The following TTC7B variants were observed in gnomAD, a reference collection of about 807,000 sequenced individuals.
TTC7B encodes tetratricopeptide repeat domain 7B.
Under a neutral mutation model 106.8 loss-of-function variants are expected in TTC7B, and 28 were observed. That is an observed-to-expected ratio of 0.26 (90% CI 0.19 to 0.36). TTC7B has a LOEUF of 0.36. TTC7B is among the 10% of genes least tolerant of loss of function. The probability of loss-of-function intolerance (pLI) is 1.00; values close to 1 mark genes in which losing one functional copy is unlikely to be tolerated. For missense variants in TTC7B, 862 were observed against 1,076.4 expected, an observed-to-expected ratio of 0.80 and a Z score of 2.79; for synonymous variants, 405 against 430.6, an observed-to-expected ratio of 0.94 and a Z score of 0.74.
chr14:90,764,412 T>C (rs1389822164), intron 3 of TTC7B, among the ~76,000 whole-genome samples: 2 of 151,912 alleles, frequency 1.3e-5, no homozygotes, highest in Non-Finnish European at 2.9e-5. Flanking sequence ...AATGGTTTCT[T>C]AGATACAAAA....
intron 19 of TTC7B, among the ~76,000 whole-genome samples, chr14:90,564,781 C>T (rs573328834): frequency 1.3e-5 from 2 of 152,242 alleles, no homozygotes; most frequent in East Asian, 1.9e-4. Context: ...TGTGGTGATA[C>T]GTGCCTATAG....
chr14:90,725,176 TA>T (rs1889045734), intron 5 of TTC7B, among the ~76,000 whole-genome samples: 1 of 152,226 alleles, frequency 6.6e-6, no homozygotes, highest in Non-Finnish European at 1.5e-5. Context: ...GAACACTTGC[TA>T]CCACTGCAAG....
chr14:90,665,572 C>A (rs1886378945), intron 9 of TTC7B, among the ~76,000 whole-genome samples: 1 of 152,226 alleles, frequency 6.6e-6, no homozygotes, highest in Non-Finnish European at 1.5e-5. Context: ...ACAGCAAAGC[C>A]AAAGTCTATT....
chr14:90,614,818 CCAT>C (rs1893005581), intron 16 of TTC7B, among the ~76,000 whole-genome samples: 1 of 152,226 alleles, frequency 6.6e-6, no homozygotes, highest in Non-Finnish European at 1.5e-5. Flanking sequence ...GTGGTTATTA[CCAT>C]CCCTGGCTGA....
intron 18 of TTC7B, among the ~76,000 whole-genome samples, chr14:90,579,721 C>T (rs972692203): frequency 6.6e-6 from 1 of 152,208 alleles, no homozygotes; most frequent in Non-Finnish European, 1.5e-5. Flanking sequence ...ATCACTTGAA[C>T]CTGGGAGGTG....
chr14:90,659,213 T>TGTGTGTGTGTG (rs1566822930), intron 9 of TTC7B, among the ~76,000 whole-genome samples: 2,496 of 146,570 alleles, frequency 0.017, 58 homozygotes, highest in African/African-American at 0.06. Flanking sequence ...ACGAGTGTGA[T>TGTGTGTGTGTG]TGTGTGTGTG....
At chr14:90,774,716 C>T (rs1005640411) in intron 3 of TTC7B, among the ~76,000 whole-genome samples, 1 of 152,222 alleles carries the variant, frequency 6.6e-6, no homozygotes, top group Non-Finnish European at 1.5e-5. Context: ...CACTCCAGGC[C>T]TCTGATCTTC....
At chr14:90,648,527 T>A (rs1009916198) in intron 13 of TTC7B, 5 of 152,100 alleles carry the variant, frequency 3.3e-5, no homozygotes. Context: ...ATTTATAGAA[T>A]TTTTTGTAGA....
intron 18 of TTC7B, among the ~76,000 whole-genome samples, chr14:90,590,359 G>A (rs986257892): frequency 3.3e-5 from 5 of 152,062 alleles, no homozygotes; most frequent in African/African-American, 9.7e-5. Context: ...GGTCATCTCC[G>A]AGTGACCTTT....
rs556197278 is a variant in TTC7B, at chr14:90,690,944, TAAATGTCTATAA to T, written c.778-1244_778-1233del. On this transcript the variant is annotated intron_variant, in intron 6 of 19. Transcript: ENST00000328459. ...ATTCCCAAGTAAGACCCATTGGCAT[TAAATGTCTATAA>T]AAATGTGAAATTAAATGCACTCTGA... 8.5e-4 allele frequency among the ~76,000 whole-genome samples: 130 copies of T among 152,308 alleles called. 2 individuals carry two copies. The East Asian group carries it at 0.011, about 13-fold the overall frequency.
In TTC7B at chr14:90,562,487, T is replaced by G. The variant is rs2139785749; in HGVS notation, c.2310+15619A>C. 2.0e-5 allele frequency among the ~76,000 whole-genome samples: 3 copies of G among 152,328 alleles called. No individual in the cohort carries two copies. In the South Asian group the frequency reaches 6.2e-4, roughly 32 times the overall value. Reference sequence around the variant, plus strand: ...TCTCTAAAATGCAGACCTAATCACATTCACTCACTTGTTTAAACTGTATCT... The same window carrying G: ...TCTCTAAAATGCAGACCTAATCACAGTCACTCACTTGTTTAAACTGTATCT... On this transcript the variant is annotated intron_variant, in intron 19 of 19. Coordinates refer to ENST00000328459, the MANE Select transcript of TTC7B (RefSeq NM_001010854.2).
rs1034977474 is a variant in TTC7B, at chr14:90,526,043, G to T, written c.*15325C>A. 22 of 152,016 alleles carry T rather than the reference G, an allele frequency of 1.4e-4. No homozygotes were observed. The highest frequency in any genetic ancestry group is 4.6e-4 in the African/African-American group (19 of 41,470). 9.4% of individuals were successfully genotyped at this position (152,016 alleles called of 1,614,324 possible). On this transcript the variant is annotated 3_prime_UTR_variant, in exon 20 of 20. Transcript: ENST00000328459. Reference sequence around the variant, plus strand: ...GTACATATATTTCCTTTTCTCTGGGGTACATACTAAGAGAGGAATTCCTGG... The same window carrying T: ...GTACATATATTTCCTTTTCTCTGGGTTACATACTAAGAGAGGAATTCCTGG...
chr14:90,780,425 AAGAAAGAG>A (rs1230077292), intron 3 of TTC7B, among the ~76,000 whole-genome samples: 2 of 148,598 alleles, frequency 1.3e-5, no homozygotes, highest in Non-Finnish European at 3.0e-5. Context: ...GAAAGAAAGA[AAGAAAGAG>A]AGAGAGAGAG....
intron 5 of TTC7B, among the ~76,000 whole-genome samples, chr14:90,703,593 A>G (rs1196501140): frequency 2.0e-5 from 3 of 152,240 alleles, no homozygotes; most frequent in Admixed American, 6.5e-5. Flanking sequence ...AAAGGGAAAA[A>G]AAAAGACCAT....
intron 3 of TTC7B, among the ~76,000 whole-genome samples, chr14:90,764,661 A>G (rs1246936902): frequency 6.6e-6 from 1 of 152,208 alleles, no homozygotes; most frequent in Admixed American, 6.5e-5. Flanking sequence ...ATCTGAATAG[A>G]TATTTCTCCA....
chr14:90,728,964 G>C (rs1179526600), intron 5 of TTC7B, among the ~76,000 whole-genome samples: 1 of 152,204 alleles, frequency 6.6e-6, no homozygotes, highest in African/African-American at 2.4e-5. Context: ...TTAGCTTAGG[G>C]GACGTGCACC....
At chr14:90,553,784 G>A (rs937970510) in intron 19 of TTC7B, among the ~76,000 whole-genome samples, 2 of 152,324 alleles carry the variant, frequency 1.3e-5, no homozygotes, top group East Asian at 1.9e-4. Context: ...GCTTAACATA[G>A]CTCCTCGAAG....
At chr14:90,644,245 A>ATG (rs1183026366) in intron 14 of TTC7B, 37 bp from the exon 15 acceptor site, 2 of 1,383,218 alleles carry the variant, frequency 1.4e-6, no homozygotes, top group South Asian at 1.4e-5. Flanking sequence ...TTTTACATAC[A>ATG]CACATGCACA....
chr14:90,706,948 C>T (rs943642866), intron 5 of TTC7B, among the ~76,000 whole-genome samples: 1 of 152,190 alleles, frequency 6.6e-6, no homozygotes, highest in Admixed American at 6.5e-5. Context: ...CATACATAGA[C>T]ACAAATACCT....
Sources: gnomAD v4.1 joint callset for allele counts (sites outside exome capture counted in the v4.1 genomes callset) on GRCh38, gnomAD v4.1.1 for gene constraint, MANE v1.5 for transcripts, NCBI Gene and HGNC (gene_info 2026-07-23, HGNC 2026-07-21) for gene names.